STXBP3: variants seen among roughly 807,000 people sequenced by gnomAD.
STXBP3 encodes syntaxin-binding protein 3.
Under a neutral mutation model 85.7 loss-of-function variants are expected in STXBP3, and 41 were observed. The observed-to-expected ratio is 0.48, with a 90% CI of 0.37 to 0.62. The LOEUF (loss-of-function observed/expected upper bound fraction) is 0.62. Among genes scored for constraint, STXBP3 ranks in the 20% least tolerant of loss-of-function variants. The probability of loss-of-function intolerance (pLI) is 0.00; values close to 1 mark genes in which losing one functional copy is unlikely to be tolerated. For synonymous variants in STXBP3, 229 were observed against 231.7 expected (o/e 0.99, Z 0.10); for missense variants, 563 against 703.1 (o/e 0.80, Z 2.25).
chr1:108,765,341 AG>A (rs1662237664), intron 6 of STXBP3, among the ~76,000 whole-genome samples: 1 of 152,230 alleles, frequency 6.6e-6, no homozygotes. Context: ...CTCCATGGGT[AG>A]GCCCACGCCA....
Position 108,776,357 on chromosome 1 carries a change from G to A in STXBP3, c.618G>A (p.Lys206=). The A allele has an allele frequency of 6.2e-7, 1 of 1,608,534 alleles. No homozygotes were observed. Among genetic ancestry groups the A allele is most frequent in the East Asian group, 2.2e-5 (1 of 44,668 alleles). ...GTAAACCTCTAGATAATGCCAGTAA[G>A]CTTGCACAGCTTGTTGAAAAAAAGC... ...YKSKPLDNAS[K]LAQLVEKKLE... is the part of the protein sequence containing the mutation. Residue 206 remains lysine (K), a synonymous_variant, in exon 8 of 19, where the codon AAG becomes AAA. Coordinates refer to ENST00000370008, the MANE Select transcript of STXBP3 (RefSeq NM_007269.4).
In STXBP3 at chr1:108,779,392, T is replaced by C. The variant is rs1310523369; in HGVS notation, c.791T>C (p.Ile264Thr). The change falls in exon 9 of 19, where the codon ATT becomes ACT. Residue 264 changes from isoleucine (I) to threonine (T), a missense_variant. Transcript: ENST00000370008. ...GCAATGGCATATGATCTACTACCAATTGAGAATGATACATACAAGCAAGTA... is the reference window on the plus strand; with the variant it reads ...GCAATGGCATATGATCTACTACCAACTGAGAATGATACATACAAGCAAGTA... ...FQAMAYDLLP[I>T]ENDTYKYKTD... The C allele has an allele frequency of 1.9e-6, 3 of 1,611,596 alleles. No homozygotes were observed. Among genetic ancestry groups the C allele is most frequent in the East Asian group, 2.2e-5 (1 of 44,810 alleles).
chr1:108,786,579 G>T (rs1288599107), intron 11 of STXBP3, among the ~76,000 whole-genome samples: 2 of 152,252 alleles, frequency 1.3e-5, no homozygotes, highest in South Asian at 4.1e-4. Context: ...TAATGCATTT[G>T]TTGTGAATCA....
In STXBP3 at chr1:108,765,591, T is replaced by TTTTTTTTTTTTTC. The variant is rs796642937; in HGVS notation, c.438+5507_438+5508insTTTTTTTTTTTCT. The stretch of plus-strand genomic sequence containing the variant: ...GCTAATTTTTTTTTTTTTTTTTTTT[T>TTTTTTTTTTTTTC]TGAGACGGAGTCTCATTCCATCATC... On this transcript the variant is annotated intron_variant, in intron 6 of 18. Transcript: ENST00000370008. Among the ~76,000 whole-genome samples, 8 of 122,654 alleles carry TTTTTTTTTTTTTC rather than the reference T, an allele frequency of 6.5e-5. 1 individual carries two copies. Among genetic ancestry groups the TTTTTTTTTTTTTC allele is most frequent in the Admixed American group, 1.7e-4 (2 of 11,736 alleles). 80.5% of individuals were successfully genotyped at this position (122,654 alleles called of 152,430 possible).
At chr1:108,797,743 G>T (rs553552142) in intron 15 of STXBP3, among the ~76,000 whole-genome samples, 99 of 139,592 alleles carry the variant, frequency 7.1e-4, no homozygotes, top group African/African-American at 2.1e-3. Context: ...GTGTGTGTGT[G>T]TTTTTTTTTT....
In STXBP3 at chr1:108,772,654, T is replaced by C; in HGVS notation, c.439-11T>C. Reference sequence around the variant, plus strand: ...TCCAGATTAACAGTGAGTTTTTTTGTCTTAACTTAGGTGTATACTCTTGAT... The same window carrying C: ...TCCAGATTAACAGTGAGTTTTTTTGCCTTAACTTAGGTGTATACTCTTGAT... On this transcript the variant is annotated splice_polypyrimidine_tract_variant and intron_variant, in intron 6 of 18. Transcript: ENST00000370008. 7.2e-7 allele frequency: 1 copy of C among 1,379,924 alleles called. No individual in the cohort carries two copies. The highest frequency in any genetic ancestry group is 1.9e-4 in the Middle Eastern group (1 of 5,188). 85.5% of individuals were successfully genotyped at this position (1,379,924 alleles called of 1,614,324 possible).
intron 11 of STXBP3, among the ~76,000 whole-genome samples, chr1:108,786,449 C>G (rs1364775028): frequency 6.6e-6 from 1 of 152,318 alleles, no homozygotes; most frequent in East Asian, 1.9e-4. Flanking sequence ...GCCATTCACT[C>G]AAATTAATTT....
Position 108,766,068 on chromosome 1 carries a change from A to G in STXBP3, c.438+5983A>G, listed in dbSNP as rs183433235. ...TGGGTTTCACTATGTTGGCCAGGTTAGTCTCAAACTCCTGACCTCAAATGA... is the reference window on the plus strand; with the variant it reads ...TGGGTTTCACTATGTTGGCCAGGTTGGTCTCAAACTCCTGACCTCAAATGA... On this transcript the variant is annotated intron_variant, in intron 6 of 18. Transcript: ENST00000370008. Among the ~76,000 whole-genome samples the G allele has an allele frequency of 2.8e-3, 426 of 151,778 alleles. 1 individual carries two copies. Among genetic ancestry groups the G allele is most frequent in the African/African-American group, 9.8e-3 (406 of 41,376 alleles).
chr1:108,805,419 ATTTT>A (rs34972308), intron 17 of STXBP3, among the ~76,000 whole-genome samples: 2 of 114,326 alleles, frequency 1.7e-5, no homozygotes, highest in Admixed American at 9.9e-5. Flanking sequence ...CTAGATTCAG[ATTTT>A]TTTTTTTTTT....
At chr1:108,786,852 A>G (rs1012940534) in intron 11 of STXBP3, among the ~76,000 whole-genome samples, 1 of 152,218 alleles carries the variant, frequency 6.6e-6, no homozygotes, top group African/African-American at 2.4e-5. Context: ...ATGAATCTGT[A>G]CACTAATTTG....
chr1:108,748,933 T>G (rs923467894), intron 1 of STXBP3, among the ~76,000 whole-genome samples: 4 of 152,062 alleles, frequency 2.6e-5, no homozygotes, highest in Admixed American at 2.6e-4. Context: ...AATAGTAGAG[T>G]TTAGATTTTA....
In STXBP3 at chr1:108,756,785, T is replaced by G. The variant is rs1415063381; in HGVS notation, c.258+19T>G. ...ATCAAAGGTGAGTATTTTGAGACCT[T>G]AAAAAGCAGGTTCATCAATATTTCA... is the stretch of plus-strand genomic sequence containing the variant. On this transcript the variant is annotated intron_variant, in intron 4 of 18. Transcript: ENST00000370008. 10 of 1,554,904 alleles carry G rather than the reference T, an allele frequency of 6.4e-6. No homozygotes were observed. The highest frequency in any genetic ancestry group is 8.7e-6 in the Non-Finnish European group (10 of 1,143,742).
chr1:108,793,170 T>C (rs989656168), intron 11 of STXBP3, among the ~76,000 whole-genome samples: 1 of 145,234 alleles, frequency 6.9e-6, no homozygotes, highest in Non-Finnish European at 1.5e-5. Context: ...TTTTTTTTTT[T>C]TTTTTTTTTT....
chr1:108,794,003 T>C (rs1010801088), intron 12 of STXBP3, among the ~76,000 whole-genome samples: 21 of 152,216 alleles, frequency 1.4e-4, no homozygotes, highest in Admixed American at 1.2e-3. Context: ...TTTAAGAGCA[T>C]TTAAGCTGTT....
chr1:108,808,484 G>C (rs1339650689), intron 18 of STXBP3, among the ~76,000 whole-genome samples: 1 of 152,184 alleles, frequency 6.6e-6, no homozygotes, highest in East Asian at 1.9e-4. Context: ...AACAATAACT[G>C]TTATAGTGCT....
chr1:108,779,299 C>T lies in STXBP3; in HGVS notation c.698C>T (p.Ser233Leu). 1 of 1,611,630 alleles carries T rather than the reference C, an allele frequency of 6.2e-7. No individual in the cohort carries two copies. Among genetic ancestry groups the T allele is most frequent in the South Asian group, 1.1e-5 (1 of 90,456 alleles). ...TTGTTATTCTAGGGTAAAACTCATT[C>T]ACAGCTCTTAATAATTGATCGTGGC... ...EKSLIKGKTH[S>L]QLLIIDRGFD... Residue 233 changes from serine (S) to leucine (L), a missense_variant, in exon 9 of 19, where the codon TCA (serine) becomes TTA (leucine). Physicochemically the swap from Ser to Leu is moderately radical, Grantham distance 145. This residue lies in a region of STXBP3 where 494 missense variants were observed against 592.8 expected (regional missense o/e 0.83). Coordinates refer to ENST00000370008, the MANE Select transcript of STXBP3 (RefSeq NM_007269.4).
At chr1:108,772,849 G>A (rs1462577158) in intron 7 of STXBP3, 30 bp downstream of exon 7, 13 of 1,497,180 alleles carry the variant, frequency 8.7e-6, no homozygotes, top group African/African-American at 1.4e-5. Flanking sequence ...CACATGTTAT[G>A]CTTCCTATTT....
chr1:108,806,443 A>G (rs1357893042), intron 17 of STXBP3, among the ~76,000 whole-genome samples: 1 of 152,128 alleles, frequency 6.6e-6, no homozygotes, highest in Non-Finnish European at 1.5e-5. Context: ...AAAAGTAATG[A>G]CTACTATTTA....
Position 108,751,255 on chromosome 1 carries a change from C to T in STXBP3, c.50-1002C>T, listed in dbSNP as rs138854858. ...ACCCAAGAGTCATTTCATTTGCAGA[C>T]GGAAGAGATGCTATCACTCAGGAGA... is the stretch of plus-strand genomic sequence containing the variant. On this transcript the variant is annotated intron_variant, in intron 1 of 18. Coordinates refer to ENST00000370008, the MANE Select transcript of STXBP3 (RefSeq NM_007269.4). Among the ~76,000 whole-genome samples the T allele has an allele frequency of 3.3e-5, 5 of 152,158 alleles. 1 individual carries two copies. The highest frequency in any genetic ancestry group is 2.1e-4 in the South Asian group (1 of 4,824).
Sources: gnomAD v4.1 joint callset for allele counts (sites outside exome capture counted in the v4.1 genomes callset) on GRCh38, gnomAD v4.1.1 for gene constraint, gnomAD v4.1.1 regional missense constraint, MANE v1.5 for transcripts, NCBI Gene and HGNC (gene_info 2026-07-23, HGNC 2026-07-21) for gene names.